TNRC6A: variants seen among roughly 807,000 people sequenced by gnomAD.
The protein encoded by TNRC6A is trinucleotide repeat-containing gene 6A protein.
In TNRC6A, 44 loss-of-function variants were observed where a neutral mutation model predicts 221.2. The ratio of observed to expected loss-of-function variants is 0.20; its 90% CI spans 0.16 to 0.26. The LOEUF is 0.26. Among genes scored for constraint, TNRC6A ranks in the 10% least tolerant of loss-of-function variants. The probability of loss-of-function intolerance (pLI) is 1.00; values close to 1 mark genes in which losing one functional copy is unlikely to be tolerated. For missense variants in TNRC6A, 2,199 were observed against 2,404.4 expected, an observed-to-expected ratio of 0.91 and a Z score of 1.79; for synonymous variants, 847 against 838.5, an observed-to-expected ratio of 1.01 and a Z score of -0.18.
intron 5 of TNRC6A, among the ~76,000 whole-genome samples, chr16:24,783,193 A>T (rs1015241833): frequency 2.0e-5 from 3 of 151,568 alleles, no homozygotes; most frequent in Non-Finnish European, 1.5e-5. Context: ...CAGTGGTGCG[A>T]TCTCTGCTCA....
At chr16:24,781,164 C>CCACCT (rs2057837468) in intron 5 of TNRC6A, among the ~76,000 whole-genome samples, 1 of 149,182 alleles carries the variant, frequency 6.7e-6, no homozygotes, top group Non-Finnish European at 1.5e-5. Flanking sequence ...AGTAATCCTC[C>CCACCT]CACCTCAGTG....
intron 5 of TNRC6A, among the ~76,000 whole-genome samples, chr16:24,777,579 T>A (rs1037138867): frequency 7.2e-5 from 11 of 152,306 alleles, no homozygotes; most frequent in African/African-American, 2.6e-4. Flanking sequence ...TCCCTTCAGG[T>A]TCTGCCCATT....
chr16:24,789,535 G>T lies in TNRC6A; in HGVS notation c.893G>T (p.Gly298Val). The T allele has an allele frequency of 1.9e-6, 3 of 1,614,194 alleles. No homozygotes were observed. The highest frequency in any genetic ancestry group is 2.5e-6 in the Non-Finnish European group (3 of 1,180,038). ...GLGSQNKFVVGSSSNNVGHGS... is the reference protein window; with the variant it reads ...GLGSQNKFVVVSSSNNVGHGS... ...GGTTCCCAAAACAAGTTTGTAGTTGGTAGCAGCAGCAATAATGTGGGCCAT... is the reference window on the plus strand; with the variant it reads ...GGTTCCCAAAACAAGTTTGTAGTTGTTAGCAGCAGCAATAATGTGGGCCAT... Residue 298 changes from glycine to valine, a missense_variant, in exon 6 of 25, where the codon GGT becomes GTT. Gly to Val is a moderately radical substitution (Grantham distance 109). Transcript: ENST00000395799.
intron 2 of TNRC6A, among the ~76,000 whole-genome samples, chr16:24,643,340 C>T (rs1396506812): frequency 6.6e-6 from 1 of 151,464 alleles, no homozygotes; most frequent in South Asian, 2.1e-4. Context: ...GGTGCTTTTT[C>T]TTTAATTAAC....
chr16:24,817,391 G>A (rs1004079229), intron 20 of TNRC6A, among the ~76,000 whole-genome samples: 3 of 152,062 alleles, frequency 2.0e-5, no homozygotes, highest in Non-Finnish European at 4.4e-5. Context: ...TTAAAAAATG[G>A]GTGTTTCTTG....
intron 2 of TNRC6A, among the ~76,000 whole-genome samples, chr16:24,685,423 G>A (rs990744132): frequency 6.6e-6 from 1 of 152,024 alleles, no homozygotes; most frequent in African/African-American, 2.4e-5. Flanking sequence ...TGCAACCTCC[G>A]CCTCCCAGGC....
At chr16:24,693,618 A>G (rs2055799251) in intron 2 of TNRC6A, among the ~76,000 whole-genome samples, 1 of 151,810 alleles carries the variant, frequency 6.6e-6, no homozygotes, top group Admixed American at 6.6e-5. Flanking sequence ...ATAAAAAATT[A>G]TCCAGGCATG....
intron 2 of TNRC6A, among the ~76,000 whole-genome samples, chr16:24,744,304 A>C (rs1474734395): frequency 6.6e-6 from 1 of 152,108 alleles, no homozygotes; most frequent in Non-Finnish European, 1.5e-5. Context: ...ATCACTGCAA[A>C]GTTAGTATTT....
At position 24,804,779 on chromosome 16, in the gene TNRC6A, T is replaced by A. The variant is rs775782114; in HGVS notation, c.3912T>A (p.Asn1304Lys). 1.9e-6 allele frequency: 3 copies of A among 1,608,772 alleles called. No individual in the cohort carries two copies. Among genetic ancestry groups the A allele is most frequent in the Non-Finnish European group, 2.5e-6 (3 of 1,178,962 alleles). ...SSQSMKLPPSNSALPNQALGS... is the reference protein window; with the variant it reads ...SSQSMKLPPSKSALPNQALGS... The stretch of plus-strand genomic sequence containing the variant: ...AAAGCATGAAGCTTCCCCCTTCAAA[T>A]AGTGCACTACCTAACCAGGCCCTTG... Residue 1304 changes from asparagine (N) to lysine (K), a missense_variant, in exon 13 of 25, where the codon AAT becomes AAA. Asn to Lys is a moderately conservative substitution (Grantham distance 94). Around this residue, in one of 8 missense-constraint regions of TNRC6A, gnomAD observed 158 missense variants for 159.1 expected, o/e 0.99. Coordinates refer to ENST00000395799, the MANE Select transcript of TNRC6A (RefSeq NM_014494.4).
intron 5 of TNRC6A, among the ~76,000 whole-genome samples, chr16:24,784,053 G>A (rs913171940): frequency 1.3e-5 from 2 of 152,196 alleles, no homozygotes; most frequent in Admixed American, 1.3e-4. Flanking sequence ...CCAGGCTGGA[G>A]TGCAGTGGTG....
chr16:24,611,006 T>C (rs933200789), intron 1 of TNRC6A, among the ~76,000 whole-genome samples: 1 of 151,658 alleles, frequency 6.6e-6, no homozygotes, highest in Non-Finnish European at 1.5e-5. Context: ...AGAGATGGGG[T>C]TTCACCATGT....
chr16:24,650,176 T>C (rs1902560814), intron 2 of TNRC6A, among the ~76,000 whole-genome samples: 2 of 152,160 alleles, frequency 1.3e-5, no homozygotes, highest in Non-Finnish European at 2.9e-5. Context: ...TGCATCTCCA[T>C]TTAATTCTAC....
intron 2 of TNRC6A, among the ~76,000 whole-genome samples, chr16:24,656,205 G>A (rs1402375924): frequency 1.3e-5 from 2 of 151,704 alleles, no homozygotes; most frequent in African/African-American, 4.8e-5. Flanking sequence ...GCTCAGGCCT[G>A]TAATCCCAGC....
intron 2 of TNRC6A, among the ~76,000 whole-genome samples, chr16:24,657,708 CA>C (rs35669037): frequency 0.062 from 7,507 of 122,016 alleles, 503 homozygotes; most frequent in African/African-American, 0.2. Flanking sequence ...AGCTCCATCT[CA>C]AAAAAAAAAA....
intron 2 of TNRC6A, among the ~76,000 whole-genome samples, chr16:24,732,177 T>G (rs2056660266): frequency 6.6e-6 from 1 of 152,184 alleles, no homozygotes; most frequent in Non-Finnish European, 1.5e-5. Flanking sequence ...TTCTTGCAGG[T>G]TAAAAGTGTT....
At chr16:24,648,427 C>G (rs1223760774) in intron 2 of TNRC6A, among the ~76,000 whole-genome samples, 1 of 151,954 alleles carries the variant, frequency 6.6e-6, no homozygotes, top group Non-Finnish European at 1.5e-5. Flanking sequence ...CCCACCACCA[C>G]GCCTGGCTAA....
intron 3 of TNRC6A, among the ~76,000 whole-genome samples, 163 bp downstream of exon 3, chr16:24,750,976 C>G (rs772941748): frequency 2.0e-5 from 3 of 152,076 alleles, no homozygotes; most frequent in Non-Finnish European, 4.4e-5. Context: ...AAGTAACTTG[C>G]TGAGTTTGTA....
intron 2 of TNRC6A, among the ~76,000 whole-genome samples, chr16:24,723,819 G>T (rs1486077984): frequency 1.3e-5 from 2 of 151,902 alleles, no homozygotes; most frequent in Non-Finnish European, 2.9e-5. Context: ...TTCAGAACTT[G>T]ACTGAGAGTT....
At chr16:24,694,625 G>A (rs1176488002) in intron 2 of TNRC6A, among the ~76,000 whole-genome samples, 1 of 120,640 alleles carries the variant, frequency 8.3e-6, no homozygotes, top group Non-Finnish European at 1.6e-5. Context: ...CTGCACTCCA[G>A]CCTGGGTGAC....
Sources: allele counts gnomAD v4.1 joint callset (sites outside exome capture counted in the v4.1 genomes callset), GRCh38; gene constraint gnomAD v4.1.1; regional missense constraint gnomAD v4.1.1; transcripts MANE v1.5; gene names NCBI Gene and HGNC (gene_info 2026-07-23, HGNC 2026-07-21).